The following OR51M1 variants were observed in gnomAD, a reference collection of about 807,000 sequenced individuals.
OR51M1 encodes the protein olfactory receptor family 51 subfamily M member 1.
For synonymous variants in OR51M1, 199 were observed against 155.1 expected (o/e 1.28, Z -2.10); for missense variants, 509 against 404.4 (o/e 1.26, Z -2.22).
chr11:5,384,392 A>T (rs1458523484), intron 1 of OR51M1, among the ~76,000 whole-genome samples: 184 of 152,328 alleles, frequency 1.2e-3, no homozygotes, highest in African/African-American at 4.2e-3. Context: ...CAGGGTTCTC[A>T]CAGAATCTCT....
intron 2 of OR51M1, among the ~76,000 whole-genome samples, chr11:5,388,733 G>A (rs1849742031): frequency 6.6e-6 from 1 of 151,788 alleles, no homozygotes; most frequent in Admixed American, 6.6e-5. Flanking sequence ...TTGCTATATA[G>A]TAGTCAACTG....
At position 5,389,363 on chromosome 11, in the gene OR51M1, G is replaced by C. The variant is rs78839359; in HGVS notation, c.-15-21G>C. On this transcript the variant is annotated intron_variant, in intron 2 of 2. Coordinates refer to ENST00000642046, the MANE Select transcript of OR51M1 (RefSeq NM_001004756.3). ...AGTGAAGCTGAAGAATTAATAACCA[G>C]AAATATCCATTTATTTTCAGCTCAA... 9.4e-4 allele frequency: 1,495 copies of C among 1,592,438 alleles called. 11 individuals carry two copies. The African/African-American group carries it at 0.018, about 19-fold the overall frequency.
At chr11:5,384,179 G>C (rs1046135522) in intron 1 of OR51M1, among the ~76,000 whole-genome samples, 1 of 151,832 alleles carries the variant, frequency 6.6e-6, no homozygotes, top group Non-Finnish European at 1.5e-5. Context: ...TTGTTTCTTT[G>C]TTTGTTGTTT....
At position 5,392,888 on chromosome 11, in the gene OR51M1, G is replaced by A. The variant is rs1408370948; in HGVS notation, c.*2509G>A. On this transcript the variant is annotated 3_prime_UTR_variant, in exon 3 of 3. Coordinates refer to ENST00000642046, the MANE Select transcript of OR51M1 (RefSeq NM_001004756.3). ...GATCGTGCCACTGCACTCCAGCCTG[G>A]GCAACAGAGCAAGACTCCTTCTCAA... is the stretch of plus-strand genomic sequence containing the variant. 2.0e-5 allele frequency: 3 copies of A among 151,284 alleles called. No homozygotes were observed. The highest frequency in any genetic ancestry group is 2.9e-5 in the Non-Finnish European group (2 of 67,952). The allele number at this position is 151,284 out of a possible 1,614,324, so 9.4% of individuals were successfully genotyped here.
At chr11:5,389,260 G>A in intron 2 of OR51M1, 124 bp from the exon 3 acceptor site, 1 of 828,116 alleles carries the variant, frequency 1.2e-6, no homozygotes, top group Non-Finnish European at 1.9e-6. Context: ...TAGTGAGATT[G>A]GCAGAATTCA....
rs1849802611 is a variant in OR51M1, at chr11:5,391,995, G to A, written c.*1616G>A. ...GAGGTGGGAAGAATGCTTGAGCCCA[G>A]GAGGTTGAGGCTGCAGTGAGCCATA... On this transcript the variant is annotated 3_prime_UTR_variant, in exon 3 of 3. Coordinates refer to ENST00000642046, the MANE Select transcript of OR51M1 (RefSeq NM_001004756.3). 6.6e-6 allele frequency: 1 copy of A among 152,192 alleles called. No homozygotes were observed. The highest frequency in any genetic ancestry group is 2.1e-4 in the South Asian group (1 of 4,834). 9.4% of individuals were successfully genotyped at this position (152,192 alleles called of 1,614,324 possible). A position where few individuals can be genotyped will look rare whatever the true frequency, so the allele number is the denominator to read the frequency against.
At position 5,392,409 on chromosome 11, in the gene OR51M1, C is replaced by A. The variant is rs1321619562; in HGVS notation, c.*2030C>A. 1.3e-5 allele frequency: 2 copies of A among 152,098 alleles called. No homozygotes were observed. Among genetic ancestry groups the A allele is most frequent in the African/African-American group, 4.8e-5 (2 of 41,408 alleles). The allele number at this position is 152,098 out of a possible 1,614,324, so 9.4% of individuals were successfully genotyped here. ...AGATCTCATTTGGTAGAATGGGGTA[C>A]AAAAAATTTAGGATTTGGATTTAGA... is the stretch of plus-strand genomic sequence containing the variant. On this transcript the variant is annotated 3_prime_UTR_variant, in exon 3 of 3. Coordinates refer to ENST00000642046, the MANE Select transcript of OR51M1 (RefSeq NM_001004756.3).
At position 5,391,774 on chromosome 11, in the gene OR51M1, CCA is replaced by C. The variant is rs1491015461; in HGVS notation, c.*1396_*1397del. 1 of 55,776 alleles carries C rather than the reference CCA, an allele frequency of 1.8e-5. No individual in the cohort carries two copies. Among genetic ancestry groups the C allele is most frequent in the Non-Finnish European group, 4.5e-5 (1 of 22,078 alleles). 3.5% of individuals were successfully genotyped at this position (55,776 alleles called of 1,614,324 possible). A position where few individuals can be genotyped will look rare whatever the true frequency, so the allele number is the denominator to read the frequency against. ...AGGCACGGTGGCTTATGCTATAATC[CCA>C]GCACTTTGGGAGACCAAGGTGGGAG... On this transcript the variant is annotated 3_prime_UTR_variant, in exon 3 of 3. Transcript: ENST00000642046.
rs1466507988 is a variant in OR51M1 at position 5,391,318 on chromosome 11, C to A, written c.*939C>A. Reference sequence around the variant, plus strand: ...CTCCTCCCTTTCCAATGGTAAAGCACCAAATGCTCCATCGGTTTCCTTCCA... The same window carrying A: ...CTCCTCCCTTTCCAATGGTAAAGCAACAAATGCTCCATCGGTTTCCTTCCA... On this transcript the variant is annotated 3_prime_UTR_variant, in exon 3 of 3. Coordinates refer to ENST00000642046, the MANE Select transcript of OR51M1 (RefSeq NM_001004756.3). 6.6e-6 allele frequency: 1 copy of A among 152,194 alleles called. No individual in the cohort carries two copies. The highest frequency in any genetic ancestry group is 1.5e-5 in the Non-Finnish European group (1 of 68,046). 9.4% of individuals were successfully genotyped at this position (152,194 alleles called of 1,614,324 possible). A position where few individuals can be genotyped will look rare whatever the true frequency, so the allele number is the denominator to read the frequency against.
At position 5,389,646 on chromosome 11, in the gene OR51M1, T is replaced by C. The variant is rs1246449685; in HGVS notation, c.248T>C (p.Leu83Pro). ...CTATCCTTGCTGGCCCTCACTGACCTGGGGCTGTGTGTGTCCACGTTGCCC... is the reference window on the plus strand; with the variant it reads ...CTATCCTTGCTGGCCCTCACTGACCCGGGGCTGTGTGTGTCCACGTTGCCC... ...YLLSLLALTD[L>P]GLCVSTLPTT... Residue 83 changes from leucine (L) to proline (P), a missense_variant, in exon 3 of 3, where the codon CTG (leucine) becomes CCG (proline). Coordinates refer to ENST00000642046, the MANE Select transcript of OR51M1 (RefSeq NM_001004756.3). 2 of 1,613,570 alleles carry C rather than the reference T, an allele frequency of 1.2e-6. No individual in the cohort carries two copies. The highest frequency in any genetic ancestry group is 1.7e-6 in the Non-Finnish European group (2 of 1,179,898).
intron 1 of OR51M1, among the ~76,000 whole-genome samples, chr11:5,385,119 T>C (rs1310691941): frequency 6.6e-6 from 1 of 152,232 alleles, no homozygotes; most frequent in East Asian, 1.9e-4. Context: ...TTTTCTCCTG[T>C]GATCTAAGAT....
In OR51M1 at chr11:5,390,576, C is replaced by T; in HGVS notation, c.*197C>T. 1 of 536,070 alleles carries T rather than the reference C, an allele frequency of 1.9e-6. No individual in the cohort carries two copies. Among genetic ancestry groups the T allele is most frequent in the Non-Finnish European group, 3.2e-6 (1 of 307,732 alleles). The allele number at this position is 536,070 out of a possible 1,614,324, so 33.2% of individuals were successfully genotyped here. A position where few individuals can be genotyped will look rare whatever the true frequency, so the allele number is the denominator to read the frequency against. On this transcript the variant is annotated 3_prime_UTR_variant, in exon 3 of 3. Coordinates refer to ENST00000642046, the MANE Select transcript of OR51M1 (RefSeq NM_001004756.3). Reference sequence around the variant, plus strand: ...GCTTAGATTTTAATGGCTCCTCCTACAGCTGAGAACTGGCATTTTTGGTAG... The same window carrying T: ...GCTTAGATTTTAATGGCTCCTCCTATAGCTGAGAACTGGCATTTTTGGTAG...
At position 5,389,644 on chromosome 11, in the gene OR51M1, C is replaced by T. The variant is rs1849760082; in HGVS notation, c.246C>T (p.Asp82=). ...YYLLSLLALT[D]LGLCVSTLPT... ...TACTATCCTTGCTGGCCCTCACTGA[C>T]CTGGGGCTGTGTGTGTCCACGTTGC... Residue 82 remains aspartate, a synonymous_variant, in exon 3 of 3, where the codon GAC becomes GAT. Transcript: ENST00000642046. 1 of 1,613,672 alleles carries T rather than the reference C, an allele frequency of 6.2e-7. No individual in the cohort carries two copies. Among genetic ancestry groups the T allele is most frequent in the Non-Finnish European group, 8.5e-7 (1 of 1,179,896 alleles).
In OR51M1 at chr11:5,389,370, C is replaced by T. The variant is rs191692514; in HGVS notation, c.-15-14C>T. ...CTGAAGAATTAATAACCAGAAATAT[C>T]CATTTATTTTCAGCTCAATCCCCGA... On this transcript the variant is annotated splice_polypyrimidine_tract_variant and intron_variant, in intron 2 of 2. Coordinates refer to ENST00000642046, the MANE Select transcript of OR51M1 (RefSeq NM_001004756.3). 3.1e-5 allele frequency: 50 copies of T among 1,597,686 alleles called. No homozygotes were observed. In the East Asian group the frequency reaches 9.2e-4, roughly 29 times the overall value.
rs1440517437 is a variant in OR51M1 at position 5,389,811 on chromosome 11, T to C, written c.413T>C (p.Ile138Thr). The change falls in exon 3 of 3, where the codon ATC (isoleucine) becomes ACC (threonine). Residue 138 changes from isoleucine (I) to threonine (T), a missense_variant. By Grantham distance (89) the Ile-to-Thr change is moderately conservative. Coordinates refer to ENST00000642046, the MANE Select transcript of OR51M1 (RefSeq NM_001004756.3). ...ATGTCCTTTGACCGCCTTGTGGCCA[T>C]CTGCCACCCTCTGAGGTATTCGGTC... ...LMMSFDRLVA[I>T]CHPLRYSVII... 2 of 1,613,872 alleles carry C rather than the reference T, an allele frequency of 1.2e-6. No homozygotes were observed. The highest frequency in any genetic ancestry group is 1.7e-6 in the Non-Finnish European group (2 of 1,179,890).
At chr11:5,389,270 A>C (rs1849751209) in intron 2 of OR51M1, 114 bp from the exon 3 acceptor site, 2 of 895,012 alleles carry the variant, frequency 2.2e-6, no homozygotes, top group Non-Finnish European at 3.5e-6. Flanking sequence ...GGCAGAATTC[A>C]TAAGGGTGGA....
rs1564797234 is a variant in OR51M1 at position 5,389,954 on chromosome 11, C to T, written c.556C>T (p.Leu186Phe). The T allele has an allele frequency of 6.2e-7, 1 of 1,611,394 alleles. No homozygotes were observed. Among genetic ancestry groups the T allele is most frequent in the African/African-American group, 1.3e-5 (1 of 74,924 alleles). Residue 186 changes from leucine (L) to phenylalanine (F), a missense_variant, in exon 3 of 3, where the codon CTC (leucine) becomes TTC (phenylalanine). Coordinates refer to ENST00000642046, the MANE Select transcript of OR51M1 (RefSeq NM_001004756.3). ...TTTTCCCTACTGTGGATCTGTGGTCCTCTCCCACTCATTTTGCCTGCACCA... is the reference window on the plus strand; with the variant it reads ...TTTTCCCTACTGTGGATCTGTGGTCTTCTCCCACTCATTTTGCCTGCACCA... The part of the protein sequence containing the change: ...KAFPYCGSVV[L>F]SHSFCLHQEV...
At position 5,388,198 on chromosome 11, in the gene OR51M1, G is replaced by C. The variant is rs570002876; in HGVS notation, c.-15-1186G>C. ...CAAATAATATTTAAAGGATTCCAAT[G>C]ATATGGTGGCTAAAAAAGTCAATCC... On this transcript the variant is annotated intron_variant, in intron 2 of 2. Transcript: ENST00000642046. 1.2e-3 allele frequency among the ~76,000 whole-genome samples: 187 copies of C among 152,002 alleles called. 1 individual carries two copies. The highest frequency in any genetic ancestry group is 4.3e-3 in the African/African-American group (178 of 41,460).
Position 5,390,686 on chromosome 11 carries a change from A to G in OR51M1, c.*307A>G. On this transcript the variant is annotated 3_prime_UTR_variant, in exon 3 of 3. Transcript: ENST00000642046. ...AAATGAAACTAAATAAAAACTAAAAAGAACAATAAATACCAGAGCACCCAG... is the reference window on the plus strand; with the variant it reads ...AAATGAAACTAAATAAAAACTAAAAGGAACAATAAATACCAGAGCACCCAG... The G allele has an allele frequency of 3.5e-6, 1 of 283,384 alleles. No individual in the cohort carries two copies. 17.6% of individuals were successfully genotyped at this position (283,384 alleles called of 1,614,324 possible).
Sources: allele counts gnomAD v4.1 joint callset (sites outside exome capture counted in the v4.1 genomes callset), GRCh38; gene constraint gnomAD v4.1.1; transcripts MANE v1.5; gene names NCBI Gene and HGNC (gene_info 2026-07-23, HGNC 2026-07-21).